The following XKR3 variants were observed in gnomAD, a reference collection of about 807,000 sequenced individuals.
XKR3 encodes the protein XK-related protein 3.
A neutral mutation model predicts 40.3 loss-of-function variants in XKR3; 27 were observed. The observed-to-expected ratio is 0.67, with a 90% CI of 0.49 to 0.92. The LOEUF is 0.92. XKR3 is among the 40% of genes least tolerant of loss of function. The probability of loss-of-function intolerance (pLI) is 0.00; values close to 1 mark genes in which losing one functional copy is unlikely to be tolerated. For synonymous variants in XKR3, 193 were observed against 195.4 expected, an observed-to-expected ratio of 0.99 and a Z score of 0.10; for missense variants, 472 against 537.6, an observed-to-expected ratio of 0.88 and a Z score of 1.21.
intron 1 of XKR3, among the ~76,000 whole-genome samples, chr22:16,808,451 A>G (rs2060199630): frequency 6.6e-6 from 1 of 152,210 alleles, no homozygotes; most frequent in African/African-American, 2.4e-5. Context: ...GACATCCACT[A>G]AAATAAAACG....
chr22:16,786,800 T>C (rs2146139300), intron 3 of XKR3, among the ~76,000 whole-genome samples: 2 of 152,258 alleles, frequency 1.3e-5, no homozygotes, highest in Admixed American at 1.3e-4. Context: ...AGCCCAGACA[T>C]GAACACTGAA....
chr22:16,803,312 C>T lies in XKR3; in HGVS notation c.336-3288G>A, dbSNP rs544413992. ...ACCACAGACAAAAAAGTCCTCAACA[C>T]CACACTAGAAAGCCACACTCAGCGA... On this transcript the variant is annotated intron_variant, in intron 2 of 3. Coordinates refer to ENST00000684488, the MANE Select transcript of XKR3 (RefSeq NM_001386955.1). Among the ~76,000 whole-genome samples, 31 of 152,182 alleles carry T rather than the reference C, an allele frequency of 2.0e-4. No individual in the cohort carries two copies. In the South Asian group the frequency reaches 6.2e-3, roughly 31 times the overall value.
intron 3 of XKR3, among the ~76,000 whole-genome samples, chr22:16,791,266 A>C (rs369163987): frequency 6.6e-5 from 10 of 152,182 alleles, no homozygotes; most frequent in African/African-American, 2.4e-4. Flanking sequence ...TGAACCTGGA[A>C]GACATTACGT....
chr22:16,795,437 C>A (rs375880719), intron 3 of XKR3, among the ~76,000 whole-genome samples: 113 of 152,152 alleles, frequency 7.4e-4, no homozygotes, highest in African/African-American at 2.6e-3. Context: ...CCCTAAAATG[C>A]CTTCATCAAG....
chr22:16,825,037 T>G (rs533083939), intron 1 of XKR3, among the ~76,000 whole-genome samples: 104 of 152,336 alleles, frequency 6.8e-4, no homozygotes, highest in African/African-American at 2.2e-3. Flanking sequence ...ACGAAGCACT[T>G]TCTCCTTCTG....
intron 2 of XKR3, among the ~76,000 whole-genome samples, chr22:16,800,502 G>A (rs738046): frequency 0.29 from 44,398 of 151,986 alleles, 6,626 homozygotes; most frequent in East Asian, 0.39. Flanking sequence ...AAGGACCCCA[G>A]ATTTTCATTG....
chr22:16,792,644 A>T (rs2060125272), intron 3 of XKR3, among the ~76,000 whole-genome samples: 1 of 152,226 alleles, frequency 6.6e-6, no homozygotes, highest in Non-Finnish European at 1.5e-5. Context: ...TTTGGCAAAC[A>T]ACTTCTTAGT....
chr22:16,786,778 G>A (rs1313493493), intron 3 of XKR3, among the ~76,000 whole-genome samples: 12 of 152,118 alleles, frequency 7.9e-5, no homozygotes, highest in African/African-American at 2.4e-4. Context: ...GTAGAAAGAA[G>A]CTTCCAAACA....
intron 1 of XKR3, among the ~76,000 whole-genome samples, chr22:16,818,412 T>A (rs2146179864): frequency 6.6e-6 from 1 of 152,218 alleles, no homozygotes; most frequent in Non-Finnish European, 1.5e-5. Context: ...CTTCCATGTA[T>A]CCCACATAAT....
intron 2 of XKR3, among the ~76,000 whole-genome samples, chr22:16,801,903 GT>G (rs1196506554): frequency 1.3e-5 from 2 of 152,164 alleles, no homozygotes. Flanking sequence ...AGAAAAGTAT[GT>G]GACTAAATGG....
At chr22:16,785,068 A>AG (rs2060084055) in intron 3 of XKR3, among the ~76,000 whole-genome samples, 2 of 152,380 alleles carry the variant, frequency 1.3e-5, no homozygotes, top group South Asian at 4.1e-4. Flanking sequence ...CTGTAATCCC[A>AG]GCACTTTAGG....
intron 1 of XKR3, among the ~76,000 whole-genome samples, chr22:16,822,574 C>A (rs2215841): frequency 0.6 from 90,728 of 151,534 alleles, 27,240 homozygotes; most frequent in African/African-American, 0.61. Flanking sequence ...TCCTGGAAAC[C>A]CATACTTGAC....
At position 16,783,696 on chromosome 22, in the gene XKR3, T is replaced by C; in HGVS notation, c.1303A>G (p.Lys435Glu). 2.5e-6 allele frequency: 4 copies of C among 1,613,598 alleles called. No individual in the cohort carries two copies. Among genetic ancestry groups the C allele is most frequent in the Non-Finnish European group, 3.4e-6 (4 of 1,179,930 alleles). ...GAGTGACAGTAATTCCTCAGCTGCT[T>C]ATTTTTATTCTTTTCAGTTTTCTCG... ...NIEKTEKNKN[K>E]QLRNYCHSCN... is the part of the protein sequence containing the mutation. The change falls in exon 4 of 4, where the codon AAG becomes GAG. Residue 435 changes from lysine to glutamate, a missense_variant. Lys to Glu is a moderately conservative substitution (Grantham distance 56). Transcript: ENST00000684488.
intron 1 of XKR3, among the ~76,000 whole-genome samples, chr22:16,809,280 A>G (rs972198752): frequency 6.6e-6 from 1 of 152,150 alleles, no homozygotes; most frequent in Non-Finnish European, 1.5e-5. Context: ...CCTTCATCCC[A>G]TTTTAAAATA....
intron 3 of XKR3, among the ~76,000 whole-genome samples, chr22:16,792,995 A>ATT (rs2060126591): frequency 6.6e-6 from 1 of 152,016 alleles, no homozygotes; most frequent in African/African-American, 2.4e-5. Context: ...CCTGCTGACT[A>ATT]TTTTTTATTT....
chr22:16,808,037 T>C lies in XKR3; in HGVS notation c.37A>G (p.Thr13Ala). The change falls in exon 2 of 4, where the codon ACA becomes GCA. Residue 13 changes from threonine to alanine, a missense_variant. Thr to Ala is a moderately conservative substitution (Grantham distance 58). Coordinates refer to ENST00000684488, the MANE Select transcript of XKR3 (RefSeq NM_001386955.1). ...TVFEEMDEES[T>A]GGVSSSKEEI... is the part of the protein sequence containing the mutation. ...TCTTTCGAAGATGAAACTCCTCCTG[T>C]GCTTTCTTCATCCATCTCTTCAAAC... 1 of 1,611,840 alleles carries C rather than the reference T, an allele frequency of 6.2e-7. No individual in the cohort carries two copies.
chr22:16,820,103 G>C (rs371909360), intron 1 of XKR3, among the ~76,000 whole-genome samples: 1 of 152,078 alleles, frequency 6.6e-6, no homozygotes, highest in Non-Finnish European at 1.5e-5. Context: ...AAAATGGTAG[G>C]GTCAGTCCAA....
At position 16,818,045 on chromosome 22, in the gene XKR3, A is replaced by G. The variant is rs552787079; in HGVS notation, c.-11+7246T>C. 3.3e-5 allele frequency among the ~76,000 whole-genome samples: 5 copies of G among 152,216 alleles called. No individual in the cohort carries two copies. The East Asian group carries it at 7.7e-4, about 24-fold the overall frequency. ...CATTGACCTATATTATTTATATGCT[A>G]TAAATCATTGGCTTTTTCACATATA... On this transcript the variant is annotated intron_variant, in intron 1 of 3. Transcript: ENST00000684488.
intron 1 of XKR3, among the ~76,000 whole-genome samples, chr22:16,822,663 T>C (rs1569045789): frequency 6.6e-6 from 1 of 152,206 alleles, no homozygotes; most frequent in East Asian, 1.9e-4. Flanking sequence ...CTGGAATGGC[T>C]ATATTAATAT....
Sources: allele counts gnomAD v4.1 joint callset (sites outside exome capture counted in the v4.1 genomes callset), GRCh38; gene constraint gnomAD v4.1.1; transcripts MANE v1.5; gene names NCBI Gene and HGNC (gene_info 2026-07-23, HGNC 2026-07-21).